Variants in PLCXD3 observed in about 807,000 individuals in gnomAD.
PLCXD3 encodes phosphatidylinositol specific phospholipase C X domain containing 3, also known as PI-PLC X domain-containing protein 3.
In PLCXD3, 19 loss-of-function variants were observed where a neutral mutation model predicts 25.5. That is an observed-to-expected ratio of 0.75 (90% CI 0.52 to 1.09). PLCXD3 has a LOEUF of 1.09. PLCXD3 is among the 50% of genes least tolerant of loss of function. The pLI is 0.00. For synonymous variants in PLCXD3, 174 were observed against 137.6 expected (o/e 1.26, Z -1.85); for missense variants, 411 against 388.1 (o/e 1.06, Z -0.50).
In PLCXD3 at chr5:41,460,623, C is replaced by A. The variant is rs569402337; in HGVS notation, c.103+49801G>T. 2.0e-5 allele frequency among the ~76,000 whole-genome samples: 3 copies of A among 152,080 alleles called. No individual in the cohort carries two copies. The East Asian group carries it at 5.8e-4, about 29-fold the overall frequency. On this transcript the variant is annotated intron_variant, in intron 1 of 2. Coordinates refer to ENST00000377801, the MANE Select transcript of PLCXD3 (RefSeq NM_001005473.3). ...GCAGGAAATTAAGTGTGTTTGCACA[C>A]AAATAACTTTATCTAGTGAGCACTC...
intron 1 of PLCXD3, among the ~76,000 whole-genome samples, chr5:41,443,519 T>C (rs1382102207): frequency 6.6e-6 from 1 of 152,210 alleles, no homozygotes; most frequent in Non-Finnish European, 1.5e-5. Flanking sequence ...ATTGTCTATA[T>C]ACATATAACA....
chr5:41,334,909 A>T (rs1743936281), intron 2 of PLCXD3, among the ~76,000 whole-genome samples: 1 of 152,114 alleles, frequency 6.6e-6, no homozygotes, highest in South Asian at 2.1e-4. Flanking sequence ...GCGTGCAGGG[A>T]CTATTTTGTC....
intron 1 of PLCXD3, among the ~76,000 whole-genome samples, chr5:41,473,361 T>C (rs796853818): frequency 2.4e-4 from 37 of 152,302 alleles, no homozygotes; most frequent in African/African-American, 8.9e-4. Flanking sequence ...ATATCCTTTC[T>C]TGGTGCCAAT....
intron 1 of PLCXD3, among the ~76,000 whole-genome samples, chr5:41,403,374 C>A (rs1310230824): frequency 2.6e-5 from 2 of 78,114 alleles, no homozygotes; most frequent in African/African-American, 9.8e-5. Flanking sequence ...TACCCATATG[C>A]CATTTACCCA....
In PLCXD3 at chr5:41,312,989, G is replaced by A. The variant is rs1743180801; in HGVS notation, c.*628C>T. 1 of 152,398 alleles carries A rather than the reference G, an allele frequency of 6.6e-6. No individual in the cohort carries two copies. The highest frequency in any genetic ancestry group is 6.6e-5 in the Admixed American group (1 of 15,230). 9.4% of individuals were successfully genotyped at this position (152,398 alleles called of 1,614,324 possible). A position where few individuals can be genotyped will look rare whatever the true frequency, so the allele number is the denominator to read the frequency against. On this transcript the variant is annotated 3_prime_UTR_variant, in exon 3 of 3. Coordinates refer to ENST00000377801, the MANE Select transcript of PLCXD3 (RefSeq NM_001005473.3). ...TATAGCTGCCTTAAATAGAAATACT[G>A]TGAAACACTATTATTTTCATATAAC...
intron 2 of PLCXD3, among the ~76,000 whole-genome samples, chr5:41,332,759 C>T (rs1010482542): frequency 7.2e-5 from 11 of 152,106 alleles, no homozygotes; most frequent in Admixed American, 7.2e-4. Flanking sequence ...GAATACTATA[C>T]AGCCATAAAA....
chr5:41,425,364 G>T (rs1246476720), intron 1 of PLCXD3, among the ~76,000 whole-genome samples: 1 of 149,246 alleles, frequency 6.7e-6, no homozygotes, highest in African/African-American at 2.5e-5. Flanking sequence ...TTAAGCATAA[G>T]GTGCACAGAT....
At chr5:41,379,134 T>C (rs1214636442) in intron 2 of PLCXD3, among the ~76,000 whole-genome samples, 1 of 152,144 alleles carries the variant, frequency 6.6e-6, no homozygotes, top group African/African-American at 2.4e-5. Context: ...GCTTCTTTCA[T>C]TCAAGGTGTG....
chr5:41,344,898 G>T lies in PLCXD3; in HGVS notation c.813-31128C>A, dbSNP rs149303675. On this transcript the variant is annotated intron_variant, in intron 2 of 2. Transcript: ENST00000377801. ...TACTCTGGGCACTAAGCACTGAGGA[G>T]TTAATGGTGAATAAAATCAAATCAT... is the stretch of plus-strand genomic sequence containing the variant. Among the ~76,000 whole-genome samples the T allele has an allele frequency of 4.5e-3, 687 of 152,238 alleles. 7 individuals carry two copies. The highest frequency in any genetic ancestry group is 0.015 in the African/African-American group (619 of 41,578).
At chr5:41,450,196 G>T (rs1461791099) in intron 1 of PLCXD3, among the ~76,000 whole-genome samples, 1 of 152,102 alleles carries the variant, frequency 6.6e-6, no homozygotes, top group African/African-American at 2.4e-5. Context: ...GAACAGAACT[G>T]GGAGGGTGCT....
At chr5:41,332,433 G>C (rs1015272790) in intron 2 of PLCXD3, among the ~76,000 whole-genome samples, 2 of 152,100 alleles carry the variant, frequency 1.3e-5, no homozygotes, top group African/African-American at 4.8e-5. Context: ...TCATTAAAAA[G>C]TCAGGAAACA....
chr5:41,317,263 G>A (rs760860656), intron 2 of PLCXD3, among the ~76,000 whole-genome samples: 18 of 152,234 alleles, frequency 1.2e-4, no homozygotes, highest in Admixed American at 2.0e-4. Context: ...AGGCCATCAA[G>A]GTGGTACCTC....
chr5:41,452,299 C>T (rs1747651259), intron 1 of PLCXD3, among the ~76,000 whole-genome samples: 1 of 152,010 alleles, frequency 6.6e-6, no homozygotes, highest in African/African-American at 2.4e-5. Context: ...CAAAGGGGAA[C>T]TGATTCAAGA....
intron 2 of PLCXD3, among the ~76,000 whole-genome samples, chr5:41,324,635 A>T (rs1743570496): frequency 6.6e-6 from 1 of 152,230 alleles, no homozygotes; most frequent in Non-Finnish European, 1.5e-5. Flanking sequence ...CAAGTTCATT[A>T]GAACGACAGA....
chr5:41,498,024 C>T (rs1383472392), intron 1 of PLCXD3, among the ~76,000 whole-genome samples: 2 of 151,286 alleles, frequency 1.3e-5, no homozygotes, highest in African/African-American at 4.8e-5. Flanking sequence ...ACACAACATT[C>T]CAAAACGTAT....
chr5:41,469,363 C>T (rs1398892196), intron 1 of PLCXD3, among the ~76,000 whole-genome samples: 3 of 151,872 alleles, frequency 2.0e-5, no homozygotes, highest in South Asian at 2.1e-4. Context: ...GCTTTGGTCT[C>T]GGGTCATGCT....
At chr5:41,430,080 A>G (rs913628891) in intron 1 of PLCXD3, among the ~76,000 whole-genome samples, 3 of 152,168 alleles carry the variant, frequency 2.0e-5, no homozygotes, top group East Asian at 1.9e-4. Flanking sequence ...GCTGCTTGCT[A>G]GATGTGCAAG....
intron 1 of PLCXD3, among the ~76,000 whole-genome samples, chr5:41,421,594 G>A (rs1236593916): frequency 6.6e-6 from 1 of 152,092 alleles, no homozygotes; most frequent in Non-Finnish European, 1.5e-5. Context: ...CCAGCTACTC[G>A]GGAGGCTGAG....
intron 1 of PLCXD3, among the ~76,000 whole-genome samples, chr5:41,496,137 T>C (rs1238514604): frequency 6.6e-6 from 1 of 151,978 alleles, no homozygotes; most frequent in Non-Finnish European, 1.5e-5. Flanking sequence ...ATTGCTAACT[T>C]GAGGATAGAT....
Sources: gnomAD v4.1 joint callset for allele counts (sites outside exome capture counted in the v4.1 genomes callset) on GRCh38, gnomAD v4.1.1 for gene constraint, MANE v1.5 for transcripts, NCBI Gene and HGNC (gene_info 2026-07-23, HGNC 2026-07-21) for gene names.